The following VPS8 variants were observed in gnomAD, a reference collection of about 807,000 sequenced individuals.
The protein encoded by VPS8 is vacuolar protein sorting-associated protein 8 homolog.
A neutral mutation model predicts 216.4 loss-of-function variants in VPS8; 129 were observed. The observed-to-expected ratio is 0.60, with a 90% CI of 0.52 to 0.69. The LOEUF is 0.69. VPS8 is among the 30% of genes least tolerant of loss of function. VPS8 has a pLI of 0.00. For synonymous variants in VPS8, 571 were observed against 565.4 expected, an observed-to-expected ratio of 1.01 and a Z score of -0.14; for missense variants, 1,531 against 1,683.5, an observed-to-expected ratio of 0.91 and a Z score of 1.59.
chr3:184,878,389 G>T (rs919028414), intron 21 of VPS8, among the ~76,000 whole-genome samples: 1 of 152,192 alleles, frequency 6.6e-6, no homozygotes, highest in Non-Finnish European at 1.5e-5. Context: ...GATTACAGGT[G>T]TGAGCCACTG....
At chr3:185,041,930 A>AT (rs1340542107) in intron 46 of VPS8, among the ~76,000 whole-genome samples, 1 of 152,180 alleles carries the variant, frequency 6.6e-6, no homozygotes, top group Non-Finnish European at 1.5e-5. Flanking sequence ...GGGACTCTCC[A>AT]TTGGCTAAAG....
chr3:185,051,894 C>G lies in VPS8; in HGVS notation c.4156C>G (p.Leu1386Val). 1 of 1,608,208 alleles carries G rather than the reference C, an allele frequency of 6.2e-7. No individual in the cohort carries two copies. The highest frequency in any genetic ancestry group is 8.5e-7 in the Non-Finnish European group (1 of 1,177,014). The change falls in exon 48 of 48, where the codon CTC becomes GTC. Residue 1386 changes from leucine to valine, a missense_variant. Physicochemically the swap from Leu to Val is conservative, Grantham distance 32. Around this residue, in one of 3 missense-constraint regions of VPS8, gnomAD observed 1,318 missense variants for 1,468.4 expected, o/e 0.90. Transcript: ENST00000625842. The stretch of plus-strand genomic sequence containing the variant: ...TTTGCAGCTGGCTCTCCTCACGGAA[C>G]TCTCCCAGAATCGCAGCAGCGAGAG... Reference protein sequence around the residue: ...GSSRLALLTELSQNRSSESYR... With the variant: ...GSSRLALLTEVSQNRSSESYR...
intron 45 of VPS8, among the ~76,000 whole-genome samples, chr3:185,012,116 C>T (rs1481281160): frequency 6.6e-6 from 1 of 151,366 alleles, no homozygotes; most frequent in Non-Finnish European, 1.5e-5. Flanking sequence ...AACTGAAGCA[C>T]AGAGGCAAAA....
chr3:184,838,642 C>G (rs1331352753), intron 5 of VPS8, 72 bp from the exon 6 acceptor site: 1 of 1,245,372 alleles, frequency 8.0e-7, no homozygotes, highest in Non-Finnish European at 1.1e-6. Context: ...ATATGTAAAG[C>G]AAGAGCCATA....
intron 22 of VPS8, among the ~76,000 whole-genome samples, chr3:184,888,804 G>GACT (rs1165527060): frequency 6.6e-6 from 1 of 152,056 alleles, no homozygotes; most frequent in Non-Finnish European, 1.5e-5. Flanking sequence ...TTATAAAATG[G>GACT]ACTATTTCTA....
intron 29 of VPS8, among the ~76,000 whole-genome samples, chr3:184,924,261 T>C (rs1739159551): frequency 6.6e-6 from 1 of 152,238 alleles, no homozygotes; most frequent in African/African-American, 2.4e-5. Context: ...TCAAAGCAGC[T>C]CTCTTCTTCC....
At chr3:184,839,802 G>A (rs1335810821) in intron 7 of VPS8, 50 bp downstream of exon 7, 2 of 1,552,144 alleles carry the variant, frequency 1.3e-6, no homozygotes, top group Non-Finnish European at 1.7e-6. Context: ...GTCCTTTTGG[G>A]TTTTATAATG....
At chr3:184,863,153 C>G in intron 16 of VPS8, 86 bp downstream of exon 16, 3 of 1,497,642 alleles carry the variant, frequency 2.0e-6, no homozygotes, top group African/African-American at 1.4e-5. Context: ...AATAGGAACT[C>G]TGGGGAGTTA....
intron 46 of VPS8, among the ~76,000 whole-genome samples, chr3:185,029,624 G>A (rs1321154218): frequency 6.6e-6 from 1 of 151,720 alleles, no homozygotes; most frequent in Non-Finnish European, 1.5e-5. Flanking sequence ...GAGTGCAGTG[G>A]TGTGATCTCA....
chr3:185,013,184 T>C (rs1317523635), intron 45 of VPS8, among the ~76,000 whole-genome samples: 1 of 152,198 alleles, frequency 6.6e-6, no homozygotes, highest in African/African-American at 2.4e-5. Flanking sequence ...CCTTCCAGTG[T>C]GGGCGTCATG....
intron 45 of VPS8, among the ~76,000 whole-genome samples, chr3:185,012,595 A>G (rs1344496270): frequency 1.3e-5 from 2 of 151,998 alleles, no homozygotes; most frequent in African/African-American, 4.8e-5. Context: ...AACTGTTGAA[A>G]CCAAAGATGA....
chr3:184,936,897 C>G (rs941402010), intron 35 of VPS8, among the ~76,000 whole-genome samples: 11 of 151,994 alleles, frequency 7.2e-5, no homozygotes, highest in Admixed American at 2.0e-4. Flanking sequence ...GCCACCATGC[C>G]TGGCTAATTT....
intron 28 of VPS8, among the ~76,000 whole-genome samples, chr3:184,916,978 A>C (rs1578229438): frequency 6.6e-6 from 1 of 152,332 alleles, no homozygotes; most frequent in East Asian, 1.9e-4. Context: ...TAGGGGATGC[A>C]GCCTTGGCAA....
intron 46 of VPS8, among the ~76,000 whole-genome samples, chr3:185,030,786 G>A (rs538514080): frequency 2.6e-5 from 4 of 152,206 alleles, no homozygotes; most frequent in South Asian, 2.1e-4. Flanking sequence ...TTTAAGAGAC[G>A]ATGTCTCACT....
At chr3:184,838,613 A>G (rs1233140984) in intron 5 of VPS8, 101 bp from the exon 6 acceptor site, 15 of 958,698 alleles carry the variant, frequency 1.6e-5, no homozygotes, top group Non-Finnish European at 2.3e-5. Context: ...CCTCTAATCT[A>G]AATTGATTTG....
chr3:184,961,589 C>T (rs867407329), intron 37 of VPS8, among the ~76,000 whole-genome samples: 2 of 152,026 alleles, frequency 1.3e-5, no homozygotes, highest in Non-Finnish European at 2.9e-5. Context: ...CCATCCTAAA[C>T]TGGTGTTTAT....
intron 43 of VPS8, 78 bp from the exon 44 acceptor site, chr3:184,996,254 C>T: frequency 7.0e-7 from 1 of 1,438,692 alleles, no homozygotes; most frequent in Non-Finnish European, 9.2e-7. Context: ...TAAACAAGTG[C>T]TATTCACCAT....
At chr3:185,029,552 T>C (rs899168333) in intron 46 of VPS8, among the ~76,000 whole-genome samples, 1 of 152,094 alleles carries the variant, frequency 6.6e-6, no homozygotes, top group Non-Finnish European at 1.5e-5. Flanking sequence ...GTGCATCACA[T>C]TCCACAACAT....
chr3:185,030,584 C>T (rs865950833), intron 46 of VPS8, among the ~76,000 whole-genome samples: 3 of 152,070 alleles, frequency 2.0e-5, no homozygotes, highest in African/African-American at 7.2e-5. Context: ...GTAAATATTC[C>T]GCAAGCCTGT....
Sources: gnomAD v4.1 joint callset for allele counts (sites outside exome capture counted in the v4.1 genomes callset) on GRCh38, gnomAD v4.1.1 for gene constraint, gnomAD v4.1.1 regional missense constraint, MANE v1.5 for transcripts, NCBI Gene and HGNC (gene_info 2026-07-23, HGNC 2026-07-21) for gene names.